Variants in SLC30A8 observed in about 807,000 individuals in gnomAD.
SLC30A8 encodes solute carrier family 30 member 8, also known as proton-coupled zinc antiporter SLC30A8.
SLC30A8 carries 27 observed loss-of-function variants against 36.9 expected under a neutral mutation model. The ratio of observed to expected loss-of-function variants is 0.73; its 90% CI spans 0.54 to 1.01. The LOEUF (loss-of-function observed/expected upper bound fraction) is 1.01, where lower values mean the gene tolerates loss of function less well. Among genes scored for constraint, SLC30A8 ranks in the 50% least tolerant of loss-of-function variants. SLC30A8 has a pLI of 0.00. For missense variants in SLC30A8, 439 were observed against 452.0 expected, an observed-to-expected ratio of 0.97 and a Z score of 0.26; for synonymous variants, 164 against 172.4, an observed-to-expected ratio of 0.95 and a Z score of 0.38.
chr8:117,115,187 G>A (rs889829885), intron 2 of SLC30A8, among the ~76,000 whole-genome samples: 3 of 152,040 alleles, frequency 2.0e-5, no homozygotes, highest in African/African-American at 7.2e-5. Context: ...CTATCTTCCT[G>A]CCTTGGCCTT....
At chr8:117,133,360 A>T (rs958960905), upstream of SLC30A8, among the ~76,000 whole-genome samples, 1 of 152,010 alleles carries the variant, frequency 6.6e-6, no homozygotes, top group African/African-American at 2.4e-5. Context: ...ACTACCTGGC[A>T]TGTATCCTTC....
intron 1 of SLC30A8, among the ~76,000 whole-genome samples, chr8:116,958,942 C>T (rs759363613): frequency 5.6e-5 from 8 of 142,698 alleles, no homozygotes; most frequent in Non-Finnish European, 7.5e-5. Flanking sequence ...CTCCGCCTCT[C>T]GGGTTCAAGC....
chr8:116,994,509 C>G (rs997138181), intron 1 of SLC30A8, among the ~76,000 whole-genome samples: 1 of 152,046 alleles, frequency 6.6e-6, no homozygotes, highest in Admixed American at 6.6e-5. Flanking sequence ...CTCACAGAAA[C>G]AGTGTTAGCT....
intron 5 of SLC30A8, among the ~76,000 whole-genome samples, chr8:117,162,793 G>A (rs1421354869): frequency 1.3e-5 from 2 of 152,126 alleles, no homozygotes; most frequent in Non-Finnish European, 2.9e-5. Flanking sequence ...AAGATAGTGG[G>A]GCACAGACTT....
At chr8:117,146,747 G>A in intron 1 of SLC30A8, 1 of 1,278,192 alleles carries the variant, frequency 7.8e-7, no homozygotes, top group Non-Finnish European at 1.0e-6. Context: ...CTGAATAAAA[G>A]TAAAACTTTT....
At chr8:117,096,860 TC>T (rs1313395653) in intron 2 of SLC30A8, among the ~76,000 whole-genome samples, 1 of 152,016 alleles carries the variant, frequency 6.6e-6, no homozygotes, top group Admixed American at 6.6e-5. Context: ...CCTGCACCTC[TC>T]CCCACCTCCC....
intron 4 of SLC30A8, among the ~76,000 whole-genome samples, chr8:117,159,052 G>A (rs1445989404): frequency 6.6e-6 from 1 of 152,198 alleles, no homozygotes; most frequent in Non-Finnish European, 1.5e-5. Context: ...TGTTGAAAAT[G>A]GAGAAATCGG....
Position 117,157,825 on chromosome 8 carries a change from G to T in SLC30A8, c.553G>T (p.Ala185Ser), listed in dbSNP as rs767594541. The T allele has an allele frequency of 1.2e-6, 2 of 1,614,050 alleles. No individual in the cohort carries two copies. The highest frequency in any genetic ancestry group is 1.7e-6 in the Non-Finnish European group (2 of 1,179,978). ...ATVMIIVSSC[A>S]VAANIVLTVV... ...TGTGATGATCATCGTTTCCAGCTGCGCAGTGGCGGCCAACATTGTGTAAGT... is the reference window on the plus strand; with the variant it reads ...TGTGATGATCATCGTTTCCAGCTGCTCAGTGGCGGCCAACATTGTGTAAGT... Residue 185 changes from alanine (A) to serine (S), a missense_variant, in exon 4 of 8, where the codon GCA (alanine) becomes TCA (serine). By Grantham distance (99) the Ala-to-Ser change is moderately conservative (BLOSUM62 1). Coordinates refer to ENST00000456015, the MANE Select transcript of SLC30A8 (RefSeq NM_173851.3).
intron 2 of SLC30A8, among the ~76,000 whole-genome samples, chr8:117,059,732 C>T (rs1365476390): frequency 6.6e-6 from 1 of 152,116 alleles, no homozygotes; most frequent in Non-Finnish European, 1.5e-5. Flanking sequence ...ACTTGAGTGG[C>T]AGGATAAAAT....
At chr8:117,161,465 G>A (rs1822786871) in intron 4 of SLC30A8, among the ~76,000 whole-genome samples, 1 of 152,282 alleles carries the variant, frequency 6.6e-6, no homozygotes. Flanking sequence ...CATCTAAGAA[G>A]TGATGCTTTC....
chr8:116,977,510 CT>C (rs71305452), intron 1 of SLC30A8, among the ~76,000 whole-genome samples: 46,541 of 116,198 alleles, frequency 0.4, 8,360 homozygotes, highest in Admixed American at 0.48. Flanking sequence ...TACTTTACCA[CT>C]TTTTTTTTTT....
At chr8:117,008,177 A>G (rs911673728) in intron 1 of SLC30A8, among the ~76,000 whole-genome samples, 1 of 152,244 alleles carries the variant, frequency 6.6e-6, no homozygotes, top group African/African-American at 2.4e-5. Flanking sequence ...GTGGTTAATG[A>G]ATAAATAACT....
intron 2 of SLC30A8, among the ~76,000 whole-genome samples, chr8:117,152,414 C>A (rs1822234169): frequency 6.6e-6 from 1 of 152,144 alleles, no homozygotes; most frequent in Non-Finnish European, 1.5e-5. Context: ...TTTCTCCTTT[C>A]TGCTCCCTGT....
At chr8:117,074,169 T>C (rs1818420760) in intron 2 of SLC30A8, among the ~76,000 whole-genome samples, 1 of 150,534 alleles carries the variant, frequency 6.6e-6, no homozygotes, top group Admixed American at 6.6e-5. Context: ...TGCACGTTTG[T>C]GTGTGTTTGT....
chr8:117,088,720 CAT>C (rs1329152850), intron 2 of SLC30A8, among the ~76,000 whole-genome samples: 1 of 152,214 alleles, frequency 6.6e-6, no homozygotes, highest in African/African-American at 2.4e-5. Flanking sequence ...AGGTAATACA[CAT>C]GTTTTTCCAA....
At chr8:116,983,511 A>G (rs1815343607) in intron 1 of SLC30A8, among the ~76,000 whole-genome samples, 1 of 152,092 alleles carries the variant, frequency 6.6e-6, no homozygotes, top group Middle Eastern at 3.2e-3. Flanking sequence ...TTTTCCCACT[A>G]CAGTTGTATT....
chr8:116,981,878 A>G (rs942200328), intron 1 of SLC30A8, among the ~76,000 whole-genome samples: 1 of 152,180 alleles, frequency 6.6e-6, no homozygotes, highest in African/African-American at 2.4e-5. Flanking sequence ...TGATGAACAT[A>G]TGTGTGCATG....
intron 2 of SLC30A8, among the ~76,000 whole-genome samples, chr8:117,117,049 G>A (rs1820472812): frequency 6.6e-6 from 1 of 151,922 alleles, no homozygotes; most frequent in Non-Finnish European, 1.5e-5. Flanking sequence ...GACTAAAAAG[G>A]TAATGAAAAA....
intron 2 of SLC30A8, among the ~76,000 whole-genome samples, chr8:117,041,078 C>T (rs921024740): frequency 4.6e-5 from 7 of 152,146 alleles, no homozygotes; most frequent in Non-Finnish European, 7.3e-5. Flanking sequence ...TGCTGGATTC[C>T]GCGGTGCCAA....
Sources: allele counts gnomAD v4.1 joint callset (sites outside exome capture counted in the v4.1 genomes callset), GRCh38; gene constraint gnomAD v4.1.1; transcripts MANE v1.5; gene names NCBI Gene and HGNC (gene_info 2026-07-23, HGNC 2026-07-21).